Variants in PIGN observed in about 807,000 individuals in gnomAD.
PIGN encodes the protein GPI ethanolamine phosphate transferase 1.
A neutral mutation model predicts 125.4 loss-of-function variants in PIGN; 117 were observed. That is an observed-to-expected ratio of 0.93 (90% confidence interval 0.80 to 1.09). The LOEUF is 1.09. Ranked by LOEUF, PIGN falls within the 50% of genes least tolerant of loss-of-function variation. The pLI is 0.00. For missense variants in PIGN, 1,075 were observed against 1,094.9 expected, an observed-to-expected ratio of 0.98 and a Z score of 0.26; for synonymous variants, 392 against 377.8, an observed-to-expected ratio of 1.04 and a Z score of -0.44.
At chr18:62,170,257 A>T (rs2037303440) in intron 1 of PIGN, among the ~76,000 whole-genome samples, 1 of 152,182 alleles carries the variant, frequency 6.6e-6, no homozygotes, top group Non-Finnish European at 1.5e-5. Context: ...ACCACATCTT[A>T]TTGTGCTTTA....
chr18:62,089,197 ATCTTAAACC>A lies in PIGN; in HGVS notation c.2284-364_2284-356del. Among the ~76,000 whole-genome samples, 4 of 152,254 alleles carry A rather than the reference ATCTTAAACC, an allele frequency of 2.6e-5. No individual in the cohort carries two copies. In the Middle Eastern group the frequency reaches 0.014, roughly 521 times the overall value. ...ACTAATTTCTCAGAGTGTCCTGATC[ATCTTAAACC>A]TAGATATGGTATCATATTAAAAGAC... On this transcript the variant is annotated intron_variant, in intron 24 of 30. Coordinates refer to ENST00000640252, the MANE Select transcript of PIGN (RefSeq NM_176787.5).
chr18:62,148,144 C>T (rs2147309795), intron 8 of PIGN, 70 bp downstream of exon 8: 1 of 1,233,720 alleles, frequency 8.1e-7, no homozygotes, highest in South Asian at 1.6e-5. Context: ...CCAAAGAAAA[C>T]TTTATAATAA....
At chr18:62,019,081 T>C (rs1207488622) in intron 23 of PIGN, among the ~76,000 whole-genome samples, 2 of 152,192 alleles carry the variant, frequency 1.3e-5, no homozygotes, top group Non-Finnish European at 2.9e-5. Flanking sequence ...TGGTGGAACA[T>C]GCCTGTAGTC....
chr18:62,038,138 A>G (rs1171580257), downstream of PIGN, among the ~76,000 whole-genome samples: 1 of 152,178 alleles, frequency 6.6e-6, no homozygotes, highest in Non-Finnish European at 1.5e-5. Context: ...AGCACTGTGA[A>G]TCGGAGGGAT....
chr18:62,041,051 A>C (rs1179663794), downstream of PIGN: 1 of 152,188 alleles, frequency 6.6e-6, no homozygotes, highest in African/African-American at 2.4e-5. Context: ...GAGGCCAATT[A>C]AAGGAAATTT....
At chr18:62,153,760 A>C (rs2036621234) in intron 7 of PIGN, 1 of 152,214 alleles carries the variant, frequency 6.6e-6, no homozygotes, top group African/African-American at 2.4e-5. Flanking sequence ...ACAAAGAAAA[A>C]GGCAGATATA....
chr18:62,039,564 C>A (rs1864016563), downstream of PIGN, among the ~76,000 whole-genome samples: 1 of 100,060 alleles, frequency 1.0e-5, no homozygotes, highest in African/African-American at 3.5e-5. Flanking sequence ...CAGGGTGCCG[C>A]ACCCCATGTT....
intron 30 of PIGN, among the ~76,000 whole-genome samples, chr18:62,062,675 C>T (rs772597475): frequency 1.3e-5 from 2 of 151,978 alleles, no homozygotes; most frequent in Non-Finnish European, 2.9e-5. Flanking sequence ...ATTCCTATAG[C>T]ATATTTTACC....
intron 1 of PIGN, among the ~76,000 whole-genome samples, chr18:62,184,910 T>C (rs1317425117): frequency 6.6e-6 from 1 of 152,180 alleles, no homozygotes. Flanking sequence ...ACAAGAACAT[T>C]CTCAATTCTG....
rs2015615 is a variant in PIGN at position 62,183,392 on chromosome 18, T to G, written c.-236+3452A>C. ...TGTCTCATAGCACTCCCCTTTACTT[T>G]GTAACATCTCACATCACTGGCCCCT... On this transcript the variant is annotated intron_variant, in intron 1 of 30. Transcript: ENST00000640252. Among the ~76,000 whole-genome samples the G allele has an allele frequency of 1.2e-3, 190 of 152,280 alleles. 3 individuals carry two copies. The East Asian group carries it at 0.023, about 18-fold the overall frequency.
chr18:62,061,874 C>A (rs2032166223), intron 30 of PIGN, among the ~76,000 whole-genome samples: 1 of 152,134 alleles, frequency 6.6e-6, no homozygotes, highest in African/African-American at 2.4e-5. Context: ...GACATGTGAA[C>A]CCTATCGTAT....
downstream of PIGN, among the ~76,000 whole-genome samples, chr18:62,037,344 T>C (rs745637508): frequency 6.6e-6 from 1 of 152,230 alleles, no homozygotes; most frequent in Non-Finnish European, 1.5e-5. Context: ...AACTTCAGTT[T>C]TCTTATCTGG....
intron 23 of PIGN, among the ~76,000 whole-genome samples, chr18:62,091,222 C>A (rs2033943210): frequency 6.6e-6 from 1 of 152,020 alleles, no homozygotes; most frequent in African/African-American, 2.4e-5. Flanking sequence ...GTGGTGTGCG[C>A]CTGCCCAGCT....
chr18:62,047,067 G>A (rs1224534050), intron 30 of PIGN, among the ~76,000 whole-genome samples: 3 of 152,226 alleles, frequency 2.0e-5, no homozygotes, highest in African/African-American at 7.2e-5. Context: ...GCAGCTAAGG[G>A]ACAGACAAGG....
chr18:62,178,323 G>C (rs2037597690), intron 1 of PIGN, among the ~76,000 whole-genome samples: 1 of 151,836 alleles, frequency 6.6e-6, no homozygotes, highest in African/African-American at 2.4e-5. Flanking sequence ...TCCCAAAACA[G>C]TTGATCCTGT....
chr18:62,115,458 T>C (rs1268088578), intron 14 of PIGN, among the ~76,000 whole-genome samples: 2 of 152,180 alleles, frequency 1.3e-5, no homozygotes, highest in East Asian at 3.8e-4. Flanking sequence ...TAAAAATGCA[T>C]GCAAAGTTAT....
chr18:62,172,417 A>G (rs1447254782), intron 1 of PIGN, among the ~76,000 whole-genome samples: 1 of 152,146 alleles, frequency 6.6e-6, no homozygotes, highest in Non-Finnish European at 1.5e-5. Context: ...CATATGGCAT[A>G]TTTAGATTTA....
chr18:62,101,203 A>C lies in PIGN; in HGVS notation c.1969-20T>G. 1 of 1,401,320 alleles carries C rather than the reference A, an allele frequency of 7.1e-7. No individual in the cohort carries two copies. The highest frequency in any genetic ancestry group is 1.2e-5 in the South Asian group (1 of 84,978). The allele number at this position is 1,401,320 out of a possible 1,614,324, so 86.8% of individuals were successfully genotyped here. A position where few individuals can be genotyped will look rare whatever the true frequency, so the allele number is the denominator to read the frequency against. ...CAGCACCTAAAGACAAAGATGAAAT[A>C]GGTTAAAAAAAGAGAAGGTAGTGAA... On this transcript the variant is annotated intron_variant, in intron 21 of 30. Transcript: ENST00000640252.
intron 28 of PIGN, among the ~76,000 whole-genome samples, chr18:62,081,177 C>A (rs1375433371): frequency 6.6e-6 from 1 of 151,958 alleles, no homozygotes; most frequent in Non-Finnish European, 1.5e-5. Context: ...ATATATCCAC[C>A]CCCATCTTAA....
Sources: gnomAD v4.1 joint callset for allele counts (sites outside exome capture counted in the v4.1 genomes callset) on GRCh38, gnomAD v4.1.1 for gene constraint, MANE v1.5 for transcripts, NCBI Gene and HGNC (gene_info 2026-07-23, HGNC 2026-07-21) for gene names.